The following PACSIN2 variants were observed in gnomAD, a reference collection of about 807,000 sequenced individuals.
PACSIN2 encodes protein kinase C and casein kinase substrate in neurons 2.
In PACSIN2, 25 loss-of-function variants were observed where a neutral mutation model predicts 63.8. The observed-to-expected ratio is 0.39, with a 90% CI of 0.29 to 0.55. The LOEUF is 0.55. Among genes scored for constraint, PACSIN2 ranks in the 20% least tolerant of loss-of-function variants. The pLI, the probability that PACSIN2 is intolerant of heterozygous loss-of-function variation, is 0.62. For missense variants in PACSIN2, 518 were observed against 646.9 expected (o/e 0.80, Z 2.16); for synonymous variants, 255 against 256.2 (o/e 1.00, Z 0.05).
At chr22:42,997,187 A>G (rs1229433559) in intron 1 of PACSIN2, among the ~76,000 whole-genome samples, 1 of 152,220 alleles carries the variant, frequency 6.6e-6, no homozygotes, top group African/African-American at 2.4e-5. Flanking sequence ...ATCATGGACT[A>G]CGTTGTTCCT....
chr22:42,878,844 T>C (rs1250285028), intron 8 of PACSIN2, among the ~76,000 whole-genome samples: 1 of 152,156 alleles, frequency 6.6e-6, no homozygotes, highest in Non-Finnish European at 1.5e-5. Context: ...AAGACGACCT[T>C]CCCTGGAGAT....
intron 2 of PACSIN2, among the ~76,000 whole-genome samples, chr22:42,900,227 G>A (rs894168051): frequency 8.5e-5 from 13 of 152,158 alleles, no homozygotes; most frequent in African/African-American, 2.7e-4. Flanking sequence ...TGTGAACACC[G>A]TCCCCATGCC....
rs374543971 is a variant in PACSIN2 at position 42,982,506 on chromosome 22, G to C, written c.-78+32515C>G. Among the ~76,000 whole-genome samples, 213 of 84,628 alleles carry C rather than the reference G, an allele frequency of 2.5e-3. 31 individuals carry two copies. In the East Asian group the frequency reaches 0.035, roughly 14 times the overall value. The allele number at this position is 84,628 out of a possible 152,430, so 55.5% of individuals were successfully genotyped here. On this transcript the variant is annotated intron_variant, in intron 1 of 10. Transcript: ENST00000263246. ...TGTGTGGATAGAAGTAGACATGGGA[G>C]ACTTTTCATTTTGTTCTGTACTAAG...
chr22:42,888,580 T>C, intron 5 of PACSIN2, 63 bp downstream of exon 5: 1 of 1,540,654 alleles, frequency 6.5e-7, no homozygotes, highest in Non-Finnish European at 9.0e-7. Context: ...GAAGGCTATA[T>C]GCCAGACACG....
intron 1 of PACSIN2, among the ~76,000 whole-genome samples, chr22:42,973,381 C>T (rs1029389346): frequency 3.9e-5 from 6 of 152,114 alleles, no homozygotes; most frequent in African/African-American, 1.4e-4. Flanking sequence ...CAGGTCAAAA[C>T]TTCCCCAGTG....
At chr22:42,922,866 A>G (rs535318327) in intron 1 of PACSIN2, among the ~76,000 whole-genome samples, 1 of 152,308 alleles carries the variant, frequency 6.6e-6, no homozygotes, top group South Asian at 2.1e-4. Flanking sequence ...TATGGTGTGA[A>G]AAGCACCAGG....
In PACSIN2 at chr22:43,007,567, C is replaced by T. The variant is rs998939569; in HGVS notation, c.-78+7454G>A. Among the ~76,000 whole-genome samples the T allele has an allele frequency of 3.9e-5, 6 of 152,308 alleles. No homozygotes were observed. In the South Asian group the frequency reaches 1.2e-3, roughly 32 times the overall value. ...CTCTGCCCAGAATGGTCCTTCACGT[C>T]AGCCCCACCTGGAGAGCACCTGTGG... is the stretch of plus-strand genomic sequence containing the variant. On this transcript the variant is annotated intron_variant, in intron 1 of 10. Coordinates refer to ENST00000263246, the MANE Select transcript of PACSIN2 (RefSeq NM_001184970.3).
intron 2 of PACSIN2, among the ~76,000 whole-genome samples, chr22:42,910,143 A>C (rs1254441420): frequency 6.6e-6 from 1 of 152,162 alleles, no homozygotes; most frequent in Non-Finnish European, 1.5e-5. Context: ...TCCTGGCTCC[A>C]AAGCAATGTC....
Position 42,971,732 on chromosome 22 carries a change from C to T in PACSIN2, c.-78+43289G>A, listed in dbSNP as rs938148396. Among the ~76,000 whole-genome samples, 9 of 151,692 alleles carry T rather than the reference C, an allele frequency of 5.9e-5. No individual in the cohort carries two copies. In the East Asian group the frequency reaches 1.4e-3, roughly 23 times the overall value. The stretch of plus-strand genomic sequence containing the variant: ...CTGGGAAGTGAGGAGCATCTCTGTC[C>T]GGCAGCCGCCCCGTCCGGGAGGTGG... On this transcript the variant is annotated intron_variant, in intron 1 of 10. Coordinates refer to ENST00000263246, the MANE Select transcript of PACSIN2 (RefSeq NM_001184970.3).
chr22:42,889,124 T>A (rs1265791279), intron 4 of PACSIN2, among the ~76,000 whole-genome samples: 1 of 151,784 alleles, frequency 6.6e-6, no homozygotes, highest in Non-Finnish European at 1.5e-5. Flanking sequence ...GGGCATTAAG[T>A]GTAGGGGAGG....
At chr22:42,901,738 G>T (rs942911334) in intron 2 of PACSIN2, among the ~76,000 whole-genome samples, 11 of 152,216 alleles carry the variant, frequency 7.2e-5, no homozygotes, top group South Asian at 6.2e-4. Flanking sequence ...GGGTCAGGGT[G>T]GGGGGTGAGG....
At chr22:42,890,571 A>G (rs1279420338) in intron 4 of PACSIN2, among the ~76,000 whole-genome samples, 1 of 152,134 alleles carries the variant, frequency 6.6e-6, no homozygotes, top group Non-Finnish European at 1.5e-5. Context: ...TACAAAAATT[A>G]GCAGGGTGTG....
chr22:42,950,784 T>C (rs1349770989), intron 1 of PACSIN2, among the ~76,000 whole-genome samples: 1 of 152,170 alleles, frequency 6.6e-6, no homozygotes, highest in Non-Finnish European at 1.5e-5. Context: ...TTCAATGAAA[T>C]GTAATGCAGC....
In PACSIN2 at chr22:42,991,635, G is replaced by C. The variant is rs142195883; in HGVS notation, c.-78+23386C>G. ...TGCTGTCAGGAGCTGGGAACTCCCA[G>C]GTGCGATAAAGAGAAAGCCATGCCA... is the stretch of plus-strand genomic sequence containing the variant. On this transcript the variant is annotated intron_variant, in intron 1 of 10. Transcript: ENST00000263246. Among the ~76,000 whole-genome samples the C allele has an allele frequency of 3.1e-3, 478 of 152,266 alleles. 1 individual carries two copies. Among genetic ancestry groups the C allele is most frequent in the African/African-American group, 0.011 (466 of 41,536 alleles).
chr22:42,959,586 C>T (rs2146847094), intron 1 of PACSIN2: 1 of 152,348 alleles, frequency 6.6e-6, no homozygotes, highest in South Asian at 2.1e-4. Flanking sequence ...ACATCTTCTC[C>T]AAGCACCCTG....
At chr22:42,942,496 A>AT (rs932756353) in intron 1 of PACSIN2, among the ~76,000 whole-genome samples, 1 of 152,010 alleles carries the variant, frequency 6.6e-6, no homozygotes, top group Non-Finnish European at 1.5e-5. Context: ...ATTATGACTA[A>AT]TTTTTTTAAA....
At chr22:42,934,924 C>CT (rs201221909) in intron 1 of PACSIN2, among the ~76,000 whole-genome samples, 1,718 of 149,742 alleles carry the variant, frequency 0.011, 30 homozygotes, top group African/African-American at 0.039. Context: ...TTTTCTTTTT[C>CT]TTTTTTTTTG....
chr22:42,975,455 C>T (rs6002992), intron 1 of PACSIN2, among the ~76,000 whole-genome samples: 2 of 57,020 alleles, frequency 3.5e-5, no homozygotes, highest in South Asian at 5.6e-4. Context: ...AAAATATATA[C>T]AAATATATAT....
chr22:42,931,719 T>C (rs1569289481), intron 1 of PACSIN2, among the ~76,000 whole-genome samples: 1 of 152,184 alleles, frequency 6.6e-6, no homozygotes, highest in Non-Finnish European at 1.5e-5. Flanking sequence ...TCACACACTA[T>C]TAATAGTTAC....
Sources: allele counts gnomAD v4.1 joint callset (sites outside exome capture counted in the v4.1 genomes callset), GRCh38; gene constraint gnomAD v4.1.1; transcripts MANE v1.5; gene names NCBI Gene and HGNC (gene_info 2026-07-23, HGNC 2026-07-21).